CNTN1: variants seen among roughly 807,000 people sequenced by gnomAD.
CNTN1 encodes the protein contactin-1.
In CNTN1, 38 loss-of-function variants were observed where a neutral mutation model predicts 126.4. The observed-to-expected ratio is 0.30, with a 90% CI of 0.23 to 0.39. The LOEUF (loss-of-function observed/expected upper bound fraction) is 0.39. Among genes scored for constraint, CNTN1 ranks in the 10% least tolerant of loss-of-function variants. CNTN1 has a pLI of 1.00. For missense variants in CNTN1, 1,009 were observed against 1,248.4 expected (o/e 0.81, Z 2.89); for synonymous variants, 413 against 422.6 (o/e 0.98, Z 0.28).
intron 1 of CNTN1, among the ~76,000 whole-genome samples, chr12:40,836,418 CTAATT>C (rs1942063112): frequency 6.6e-6 from 1 of 151,566 alleles, no homozygotes; most frequent in Non-Finnish European, 1.5e-5. Flanking sequence ...AGGGAACACA[CTAATT>C]TATTAATTAG....
At chr12:40,707,046 GCACACACA>G (rs59993134) in intron 1 of CNTN1, among the ~76,000 whole-genome samples, 5,925 of 149,348 alleles carry the variant, frequency 0.04, 253 homozygotes, top group African/African-American at 0.1. Context: ...GCGCGCTTGC[GCACACACA>G]CACACACACA....
At chr12:40,702,880 T>C (rs909428878) in intron 1 of CNTN1, among the ~76,000 whole-genome samples, 1 of 152,156 alleles carries the variant, frequency 6.6e-6, no homozygotes, top group Admixed American at 6.5e-5. Context: ...ATTTGTCTCA[T>C]TGTTGGAACT....
intron 1 of CNTN1, among the ~76,000 whole-genome samples, chr12:40,804,415 AGTT>A (rs891079363): frequency 1.3e-5 from 2 of 152,014 alleles, no homozygotes; most frequent in Non-Finnish European, 2.9e-5. Context: ...GCCATTTCGC[AGTT>A]GTTGTTTTGA....
At chr12:40,825,401 A>C (rs1258417403) in intron 1 of CNTN1, among the ~76,000 whole-genome samples, 2 of 152,108 alleles carry the variant, frequency 1.3e-5, no homozygotes, top group African/African-American at 4.8e-5. Flanking sequence ...ATTTATACCC[A>C]AATTGGCTTT....
chr12:40,933,617 A>C, intron 8 of CNTN1, 57 bp downstream of exon 8: 1 of 1,534,806 alleles, frequency 6.5e-7, no homozygotes, highest in Non-Finnish European at 9.0e-7. Flanking sequence ...TTTAGGAAAT[A>C]AATAATTGTT....
rs1000425587 is a variant in CNTN1 at position 40,925,864 on chromosome 12, A to G, written c.496+1212A>G. Among the ~76,000 whole-genome samples the G allele has an allele frequency of 4.5e-3, 640 of 143,106 alleles. 2 individuals carry two copies. The highest frequency in any genetic ancestry group is 7.0e-3 in the Non-Finnish European group (466 of 66,364). 93.9% of individuals were successfully genotyped at this position (143,106 alleles called of 152,430 possible). A position where few individuals can be genotyped will look rare whatever the true frequency, so the allele number is the denominator to read the frequency against. ...TGTGTGTATATATATATATATATAT[A>G]TATGTATATATACATATTTTAAAAA... On this transcript the variant is annotated intron_variant, in intron 6 of 23. Coordinates refer to ENST00000551295, the MANE Select transcript of CNTN1 (RefSeq NM_001843.4).
intron 14 of CNTN1, among the ~76,000 whole-genome samples, chr12:40,953,287 T>G (rs961532163): frequency 2.0e-5 from 3 of 152,174 alleles, no homozygotes; most frequent in African/African-American, 7.2e-5. Context: ...GGAGGAATTT[T>G]GTAATTGAGC....
chr12:40,857,527 G>C (rs1942955502), intron 1 of CNTN1, among the ~76,000 whole-genome samples: 1 of 152,068 alleles, frequency 6.6e-6, no homozygotes, highest in Non-Finnish European at 1.5e-5. Context: ...CACAAGAAAT[G>C]AATGACCTGA....
At chr12:41,029,729 C>G (rs924718439) in intron 23 of CNTN1, among the ~76,000 whole-genome samples, 1 of 151,992 alleles carries the variant, frequency 6.6e-6, no homozygotes, top group Non-Finnish European at 1.5e-5. Flanking sequence ...ATTTTTAATA[C>G]TCTTATAACT....
chr12:40,943,475 C>T (rs1471517620), intron 12 of CNTN1, 122 bp from the exon 13 acceptor site: 9 of 715,804 alleles, frequency 1.3e-5, no homozygotes, highest in Non-Finnish European at 2.1e-5. Flanking sequence ...ACAAAAATGT[C>T]TGTGGTCGCA....
chr12:40,858,989 G>T (rs117505823), intron 1 of CNTN1, among the ~76,000 whole-genome samples: 8,786 of 152,022 alleles, frequency 0.058, 521 homozygotes, highest in Admixed American at 0.16. Flanking sequence ...GGGTGGGGTT[G>T]GGGGAGGGAG....
At chr12:40,891,610 T>G (rs2136730339) in intron 1 of CNTN1, among the ~76,000 whole-genome samples, 1 of 152,252 alleles carries the variant, frequency 6.6e-6, no homozygotes. Context: ...CGCATGGATG[T>G]CCAGTTATTT....
At chr12:40,812,669 G>A (rs1022362789) in intron 1 of CNTN1, among the ~76,000 whole-genome samples, 4 of 151,914 alleles carry the variant, frequency 2.6e-5, no homozygotes, top group East Asian at 3.9e-4. Context: ...TGTCTCTTAC[G>A]ACAGTATTTT....
intron 17 of CNTN1, among the ~76,000 whole-genome samples, chr12:40,994,785 G>A (rs1336901393): frequency 1.3e-5 from 2 of 151,818 alleles, no homozygotes; most frequent in African/African-American, 2.4e-5. Flanking sequence ...TAGTGTTTAG[G>A]TCATATCTAG....
chr12:40,844,656 C>T (rs1387937848), intron 1 of CNTN1, among the ~76,000 whole-genome samples: 1 of 152,108 alleles, frequency 6.6e-6, no homozygotes, highest in Non-Finnish European at 1.5e-5. Context: ...TTGTGACTAA[C>T]CCTTTAGTTT....
chr12:40,887,553 T>G (rs201143403), intron 1 of CNTN1, among the ~76,000 whole-genome samples: 14,938 of 152,080 alleles, frequency 0.098, 859 homozygotes, highest in Non-Finnish European at 0.13. Flanking sequence ...GGAACACTTT[T>G]ACACTGTTGG....
chr12:40,972,417 AT>A, intron 15 of CNTN1: 1 of 983,864 alleles, frequency 1.0e-6, no homozygotes, highest in South Asian at 4.7e-5. Flanking sequence ...ACAATAAATA[AT>A]TTTGATTTTC....
chr12:40,849,698 T>C (rs1393610161), intron 1 of CNTN1, among the ~76,000 whole-genome samples: 4 of 152,088 alleles, frequency 2.6e-5, no homozygotes, highest in African/African-American at 7.2e-5. Context: ...TTTGTAGTAA[T>C]TGCTAATGTA....
chr12:40,746,437 G>A (rs1419688605), intron 1 of CNTN1, among the ~76,000 whole-genome samples: 1 of 151,968 alleles, frequency 6.6e-6, no homozygotes, highest in East Asian at 1.9e-4. Context: ...TTTGACTGAG[G>A]GGCATAAGGC....
Sources: allele counts gnomAD v4.1 joint callset (sites outside exome capture counted in the v4.1 genomes callset), GRCh38; gene constraint gnomAD v4.1.1; transcripts MANE v1.5; gene names NCBI Gene and HGNC (gene_info 2026-07-23, HGNC 2026-07-21).